PTPRN: variants seen among roughly 807,000 people sequenced by gnomAD.
PTPRN encodes the protein receptor-type tyrosine-protein phosphatase-like N.
A neutral mutation model predicts 108.5 loss-of-function variants in PTPRN; 70 were observed. The ratio of observed to expected loss-of-function variants is 0.65; its 90% CI spans 0.53 to 0.79. The LOEUF is 0.79. Among genes scored for constraint, PTPRN ranks in the 30% least tolerant of loss-of-function variants. The pLI is 0.00. For missense variants in PTPRN, 1,136 were observed against 1,295.5 expected, an observed-to-expected ratio of 0.88 and a Z score of 1.89; for synonymous variants, 496 against 524.6, an observed-to-expected ratio of 0.95 and a Z score of 0.75.
intron 19 of PTPRN, chr2:219,294,019 A>G: frequency 2.1e-6 from 1 of 477,688 alleles, no homozygotes; most frequent in Non-Finnish European, 4.3e-6. Flanking sequence ...ATCCTCCCAC[A>G]CTCCTTTCGA....
chr2:219,304,656 A>T (rs1427486218), intron 3 of PTPRN, among the ~76,000 whole-genome samples: 1 of 152,136 alleles, frequency 6.6e-6, no homozygotes, highest in Non-Finnish European at 1.5e-5. Context: ...TTGCTTATTC[A>T]CATTAGATGA....
In PTPRN at chr2:219,296,176, C is replaced by G; in HGVS notation, c.2508+50G>C. ...GAAGAAAACGTTACGAAAAGGCCAT[C>G]ATCTACTCTTCCCACATCCATTGTC... is the stretch of plus-strand genomic sequence containing the variant. On this transcript the variant is annotated intron_variant, in intron 18 of 22. Transcript: ENST00000295718. This position sits in a 1 kb window ranked among gnomAD's most constrained non-coding sequence, Gnocchi z 6.0. 6.2e-7 allele frequency: 1 copy of G among 1,604,132 alleles called. No individual in the cohort carries two copies. Among genetic ancestry groups the G allele is most frequent in the East Asian group, 2.2e-5 (1 of 44,574 alleles).
chr2:219,307,741 A>G (rs761490373), intron 2 of PTPRN, 51 bp downstream of exon 2: 14 of 1,595,184 alleles, frequency 8.8e-6, no homozygotes, highest in African/African-American at 1.3e-5. Flanking sequence ...CTTGTTTTTT[A>G]TTGCCCCTCT....
At position 219,299,729 on chromosome 2, in the gene PTPRN, G is replaced by A; in HGVS notation, c.1494C>T (p.His498=). 1 of 1,609,226 alleles carries A rather than the reference G, an allele frequency of 6.2e-7. No homozygotes were observed. The highest frequency in any genetic ancestry group is 8.5e-7 in the Non-Finnish European group (1 of 1,176,186). The part of the protein sequence containing the change: ...KLLEILAEHV[H]MSSGSFINIS... Reference sequence around the variant, plus strand: ...TGTTGATGAAGCTGCCTGAGGACATGTGCACATGCTCAGCCAGGATCTCCA... The same window carrying A: ...TGTTGATGAAGCTGCCTGAGGACATATGCACATGCTCAGCCAGGATCTCCA... Residue 498 remains histidine (H), a synonymous_variant, in exon 10 of 23, where the codon CAC becomes CAT. Coordinates refer to ENST00000295718, the MANE Select transcript of PTPRN (RefSeq NM_002846.4).
At chr2:219,291,580 G>A (rs1952055546) in intron 19 of PTPRN, 57 bp from the exon 20 acceptor site, 62 of 1,523,468 alleles carry the variant, frequency 4.1e-5, no homozygotes, top group Non-Finnish European at 5.5e-5. Flanking sequence ...GGAAAGGGAA[G>A]CTGAAACACA....
intron 11 of PTPRN, 87 bp from the exon 12 acceptor site, chr2:219,299,198 A>T (rs1447631149): frequency 6.2e-7 from 1 of 1,602,800 alleles, no homozygotes; most frequent in Admixed American, 1.7e-5. Context: ...GGCAGGGCCC[A>T]TGTGGGCTGG....
At position 219,302,766 on chromosome 2, in the gene PTPRN, G is replaced by A. The variant is rs180969361; in HGVS notation, c.449C>T (p.Ala150Val). The change falls in exon 5 of 23, where the codon GCC becomes GTC. Residue 150 changes from alanine to valine, a missense_variant. Ala to Val is a moderately conservative substitution (Grantham distance 64). Transcript: ENST00000295718. ...TGGAAGCCGATGCTGGGCAGCAGGG[G>A]CGGAGCCAGTGGGGATGTCCTGTAA... ...LLLQDIPTGS[A>V]PAAQHRLPQP... The A allele has an allele frequency of 7.6e-5, 122 of 1,613,860 alleles. No individual in the cohort carries two copies. The African/African-American group carries it at 1.3e-3, about 18-fold the overall frequency.
intron 8 of PTPRN, 50 bp downstream of exon 8, chr2:219,300,893 G>A (rs371387462): frequency 4.4e-6 from 7 of 1,592,980 alleles, no homozygotes; most frequent in South Asian, 1.1e-5. Context: ...TTGGCAAGGG[G>A]GCGTGCTGCC....
In PTPRN at chr2:219,297,875, G is replaced by T. The variant is rs771053969; in HGVS notation, c.1887+10C>A. On this transcript the variant is annotated intron_variant, in intron 13 of 22. Coordinates refer to ENST00000295718, the MANE Select transcript of PTPRN (RefSeq NM_002846.4). The surrounding 1 kb of genome is among the most constrained non-coding windows in gnomAD (Gnocchi z 6.0). ...TTTCCTTTGCTCAATCAGCTTCTGG[G>T]GCTGCACACCTGGTACTCAAAGGTA... is the stretch of plus-strand genomic sequence containing the variant. 1 of 1,597,730 alleles carries T rather than the reference G, an allele frequency of 6.3e-7. No homozygotes were observed. The highest frequency in any genetic ancestry group is 1.3e-5 in the African/African-American group (1 of 74,586).
intron 7 of PTPRN, 141 bp from the exon 8 acceptor site, chr2:219,301,118 A>G (rs1952334089): frequency 2.5e-6 from 2 of 808,024 alleles, no homozygotes; most frequent in East Asian, 2.6e-5. Flanking sequence ...AGACCCTGTT[A>G]CTGGTCTCAT....
At position 219,290,551 on chromosome 2, in the gene PTPRN, A is replaced by G; in HGVS notation, c.2855T>C (p.Leu952Pro). The change falls in exon 22 of 23, where the codon CTT becomes CCT. Residue 952 changes from leucine (L) to proline (P), a missense_variant. Transcript: ENST00000295718. The surrounding 1 kb of genome is among the most constrained non-coding windows in gnomAD (Gnocchi z 4.2). ...AGGCATGGTCACCTTAGAGCGGACA[A>G]GGCCAGGCCGCTGGTCACGGACATG... Reference protein sequence around the residue: ...LEHVRDQRPGLVRSKDQFEFA... With the variant: ...LEHVRDQRPGPVRSKDQFEFA... 6.4e-7 allele frequency: 1 copy of G among 1,551,676 alleles called. No homozygotes were observed. Among genetic ancestry groups the G allele is most frequent in the Non-Finnish European group, 8.7e-7 (1 of 1,146,962 alleles).
At chr2:219,302,971 C>T in intron 4 of PTPRN, 134 bp from the exon 5 acceptor site, 1 of 1,028,094 alleles carries the variant, frequency 9.7e-7, no homozygotes, top group East Asian at 2.7e-5. Context: ...TGAGTGACCT[C>T]AGGGGAAGAG....
chr2:219,296,648 C>T lies in PTPRN; in HGVS notation c.2310+101G>A. 2.6e-6 allele frequency: 4 copies of T among 1,564,120 alleles called. No homozygotes were observed. The highest frequency in any genetic ancestry group is 2.7e-5 in the African/African-American group (2 of 73,768). The stretch of plus-strand genomic sequence containing the variant: ...TGCTAGGATATCAGGCCCCACCACT[C>T]CAGGGGGTTGGTGGGGTGGCAGGTG... On this transcript the variant is annotated intron_variant, in intron 16 of 22. Coordinates refer to ENST00000295718, the MANE Select transcript of PTPRN (RefSeq NM_002846.4). This position sits in a 1 kb window ranked among gnomAD's most constrained non-coding sequence, Gnocchi z 6.0.
At position 219,302,503 on chromosome 2, in the gene PTPRN, C is replaced by CAG. The variant is rs1463115130; in HGVS notation, c.640-14_640-13dup. 1 of 1,613,846 alleles carries CAG rather than the reference C, an allele frequency of 6.2e-7. No individual in the cohort carries two copies. The highest frequency in any genetic ancestry group is 1.1e-5 in the South Asian group (1 of 91,072). The stretch of plus-strand genomic sequence containing the variant: ...TCACGGGAGCCAAACTGTGGAAAAC[C>CAG]AGAGATCTGGGTAAGAGCAGAAGTC... On this transcript the variant is annotated splice_polypyrimidine_tract_variant and intron_variant, in intron 5 of 22. Coordinates refer to ENST00000295718, the MANE Select transcript of PTPRN (RefSeq NM_002846.4).
chr2:219,303,744 G>C lies in PTPRN; in HGVS notation c.368C>G (p.Pro123Arg), dbSNP rs1384552333. The C allele has an allele frequency of 6.2e-7, 1 of 1,613,582 alleles. No individual in the cohort carries two copies. The highest frequency in any genetic ancestry group is 8.5e-7 in the Non-Finnish European group (1 of 1,179,678). ...GAGAAAGGCTGCCTACCTGTCCCTT[G>C]GACGGGGCTCTGGGGGGCGAAGCCT... ...IPRLRPPEPR[P>R]RDRSGLAPKR... The change falls in exon 4 of 23, where the codon CCA becomes CGA. Residue 123 changes from proline to arginine, a missense_variant. Transcript: ENST00000295718.
At chr2:219,295,279 T>C (rs1952162652) in intron 18 of PTPRN, 138 bp from the exon 19 acceptor site, 1 of 894,044 alleles carries the variant, frequency 1.1e-6, no homozygotes, top group African/African-American at 1.7e-5. Context: ...GTTCCAGCGG[T>C]CCCAGGAACC....
chr2:219,296,563 TA>T lies in PTPRN; in HGVS notation c.2311-48del, dbSNP rs1369963871. ...CATGAGCCAGTGTGGGAAATGCCAC[TA>T]TGGACAGGCGTGGTCAGAGCAAGTG... On this transcript the variant is annotated intron_variant, in intron 16 of 22. Transcript: ENST00000295718. The surrounding 1 kb of genome is among the most constrained non-coding windows in gnomAD (Gnocchi z 6.0). The T allele has an allele frequency of 6.2e-7, 1 of 1,607,736 alleles. No homozygotes were observed. Among genetic ancestry groups the T allele is most frequent in the Non-Finnish European group, 8.5e-7 (1 of 1,175,070 alleles).
Position 219,300,239 on chromosome 2 carries a change from C to A in PTPRN, c.1182G>T (p.Glu394Asp). ...DIKKTMEGPV[E>D]GRDTAELPAR... ...CTGGAAGCTCTGCTGTGTCTCTGCC[C>A]TCCACCGGCCCCTCCATTGTCTGTT... Residue 394 changes from glutamate to aspartate, a missense_variant, in exon 9 of 23, where the codon GAG becomes GAT. Physicochemically the swap from Glu to Asp is conservative, Grantham distance 45. Coordinates refer to ENST00000295718, the MANE Select transcript of PTPRN (RefSeq NM_002846.4). 6.3e-7 allele frequency: 1 copy of A among 1,577,462 alleles called. No individual in the cohort carries two copies. The highest frequency in any genetic ancestry group is 1.2e-5 in the South Asian group (1 of 84,506).
At chr2:219,294,257 C>G in intron 19 of PTPRN, 1 of 441,578 alleles carries the variant, frequency 2.3e-6, no homozygotes, top group Non-Finnish European at 4.8e-6. Context: ...GAAAGACAGG[C>G]AGCGGGAGGG....
Sources: allele counts gnomAD v4.1 joint callset (sites outside exome capture counted in the v4.1 genomes callset), GRCh38; gene constraint gnomAD v4.1.1; non-coding constraint Gnocchi (gnomAD v3.1); transcripts MANE v1.5; gene names NCBI Gene and HGNC (gene_info 2026-07-23, HGNC 2026-07-21).